NOL7: variants seen among roughly 807,000 people sequenced by gnomAD.
NOL7 encodes the protein U3 small nucleolar RNA-associated protein NOL7.
A neutral mutation model predicts 38.4 loss-of-function variants in NOL7; 36 were observed. The ratio of observed to expected loss-of-function variants is 0.94; its 90% CI spans 0.72 to 1.24. The LOEUF is 1.24. NOL7 is among the 50% of genes most tolerant of loss of function. The pLI, the probability that NOL7 is intolerant of heterozygous loss-of-function variation, is 0.00. For synonymous variants in NOL7, 142 were observed against 126.5 expected (o/e 1.12, Z -0.82); for missense variants, 350 against 315.1 (o/e 1.11, Z -0.84).
Position 13,621,312 on chromosome 6 carries a change from T to C in NOL7, c.*485T>C, listed in dbSNP as rs1191111433. 6.6e-6 allele frequency: 1 copy of C among 152,608 alleles called. No individual in the cohort carries two copies. Among genetic ancestry groups the C allele is most frequent in the Admixed American group, 6.5e-5 (1 of 15,294 alleles). The allele number at this position is 152,608 out of a possible 1,614,324, so 9.5% of individuals were successfully genotyped here. Reference sequence around the variant, plus strand: ...TGAAAATAATGAAGTTAATTTCCTGTTGCCTTTCTGTGTCAGCCACAATAT... The same window carrying C: ...TGAAAATAATGAAGTTAATTTCCTGCTGCCTTTCTGTGTCAGCCACAATAT... On this transcript the variant is annotated 3_prime_UTR_variant, in exon 8 of 8. Coordinates refer to ENST00000451315, the MANE Select transcript of NOL7 (RefSeq NM_016167.5).
At chr6:13,630,801 TTACA>T (rs1764760076) in intron 8 of NOL7, among the ~76,000 whole-genome samples, 1 of 151,766 alleles carries the variant, frequency 6.6e-6, no homozygotes, top group African/African-American at 2.4e-5. Flanking sequence ...TTAAAGAGAC[TTACA>T]AAAAAATATA....
intron 8 of NOL7, among the ~76,000 whole-genome samples, chr6:13,631,938 C>T (rs1156923212): frequency 6.6e-6 from 1 of 152,090 alleles, no homozygotes; most frequent in African/African-American, 2.4e-5. Context: ...ATGTGTTATA[C>T]ATCCAAAATG....
chr6:13,622,400 A>C, downstream of NOL7: 1 of 1,601,344 alleles, frequency 6.2e-7, no homozygotes, highest in South Asian at 1.1e-5. Flanking sequence ...AATGCGCAGG[A>C]TCCAATTCCT....
chr6:13,618,697 C>G (rs1365706274), intron 5 of NOL7, among the ~76,000 whole-genome samples: 2 of 151,834 alleles, frequency 1.3e-5, no homozygotes, highest in Non-Finnish European at 2.9e-5. Flanking sequence ...CAAGACCAGC[C>G]TAGGCAACAT....
chr6:13,618,000 A>T, intron 4 of NOL7, 58 bp from the exon 5 acceptor site: 1 of 1,102,664 alleles, frequency 9.1e-7, no homozygotes. Context: ...AACTCCAGTA[A>T]ATTTCCTGAT....
At chr6:13,625,413 A>C (rs1248861555), downstream of NOL7, among the ~76,000 whole-genome samples, 5 of 152,334 alleles carry the variant, frequency 3.3e-5, no homozygotes, top group South Asian at 6.2e-4. Flanking sequence ...CATGCACACA[A>C]AAACTTCTAT....
In NOL7 at chr6:13,620,737, A is replaced by G; in HGVS notation, c.701-17A>G. On this transcript the variant is annotated splice_polypyrimidine_tract_variant and intron_variant, in intron 7 of 7. Transcript: ENST00000451315. ...TGTTTTTCTAATATACTTACTGCAG[A>G]AAACTTTATATTCTAGGAATCCAAA... 6.5e-7 allele frequency: 1 copy of G among 1,539,064 alleles called. No individual in the cohort carries two copies. The highest frequency in any genetic ancestry group is 8.9e-7 in the Non-Finnish European group (1 of 1,129,456).
At chr6:13,629,918 TCTC>T (rs1300184011) in intron 8 of NOL7, among the ~76,000 whole-genome samples, 2,548 of 121,244 alleles carry the variant, frequency 0.021, 29 homozygotes, top group South Asian at 0.039. Context: ...TCTCTCTCTC[TCTC>T]GTGTGTGTGT....
rs1764291470 is a variant in NOL7 at position 13,616,503 on chromosome 6, C to G, written c.368C>G (p.Thr123Ser). The G allele has an allele frequency of 6.2e-7, 1 of 1,608,216 alleles. No homozygotes were observed. The highest frequency in any genetic ancestry group is 1.7e-5 in the Admixed American group (1 of 59,162). Residue 123 changes from threonine (T) to serine (S), a missense_variant, in exon 3 of 8, where the codon ACC becomes AGC. Physicochemically the swap from Thr to Ser is moderately conservative, Grantham distance 58. Transcript: ENST00000451315. ...CCAGACACTATTTTGGAGAAGTTAA[C>G]CACAGCTTCACAGACTAAGTAAGTA... is the stretch of plus-strand genomic sequence containing the variant. ...LLPDTILEKL[T>S]TASQTNIKKS...
At chr6:13,631,329 C>T (rs1310293218) in intron 8 of NOL7, among the ~76,000 whole-genome samples, 2 of 152,274 alleles carry the variant, frequency 1.3e-5, no homozygotes, top group African/African-American at 4.8e-5. Flanking sequence ...CTCTATAACA[C>T]ATCCTAGGCC....
rs181166604 is a variant in NOL7 at position 13,627,844 on chromosome 6, G to A, written n.574-4549G>A. On this transcript the variant is annotated intron_variant and non_coding_transcript_variant, in intron 8 of 8. Transcript: ENST00000474485. Reference sequence around the variant, plus strand: ...ATAGCCTACATCCTAACACACCACCGAAAATGTGAAATGTCGCACTCCCAA... The same window carrying A: ...ATAGCCTACATCCTAACACACCACCAAAAATGTGAAATGTCGCACTCCCAA... 3.6e-3 allele frequency among the ~76,000 whole-genome samples: 541 copies of A among 151,848 alleles called. 1 individual carries two copies. Among genetic ancestry groups the A allele is most frequent in the African/African-American group, 0.012 (502 of 41,414 alleles).
At chr6:13,627,645 A>C (rs992249224) in intron 8 of NOL7, among the ~76,000 whole-genome samples, 4 of 151,790 alleles carry the variant, frequency 2.6e-5, no homozygotes, top group Non-Finnish European at 5.9e-5. Flanking sequence ...AAAAAAAAAA[A>C]AAAAAAAAAT....
In NOL7 at chr6:13,618,119, A is replaced by G. The variant is rs770744144; in HGVS notation, c.480A>G (p.Val160=). Residue 160 remains valine, a synonymous_variant, in exon 5 of 8, where the codon GTA becomes GTG. Coordinates refer to ENST00000451315, the MANE Select transcript of NOL7 (RefSeq NM_016167.5). ...EKGNDSKKVK[V]QKVQSVSQNK... ...GAAATGACTCCAAGAAAGTTAAAGT[A>G]CAAAAAGTACAGTCTGTCAGGTAAT... The G allele has an allele frequency of 6.3e-7, 1 of 1,590,476 alleles. No individual in the cohort carries two copies. Among genetic ancestry groups the G allele is most frequent in the South Asian group, 1.1e-5 (1 of 90,080 alleles).
intron 8 of NOL7, among the ~76,000 whole-genome samples, chr6:13,631,357 C>T (rs568099362): frequency 1.3e-5 from 2 of 152,242 alleles, no homozygotes; most frequent in African/African-American, 2.4e-5. Context: ...CATGTTATGT[C>T]CTACACTTGT....
chr6:13,622,426 C>T, downstream of NOL7: 1 of 1,607,982 alleles, frequency 6.2e-7, no homozygotes, highest in South Asian at 1.1e-5. Flanking sequence ...AGCCATCAGT[C>T]CTAGACATTG....
rs766441029 is a variant in NOL7 at position 13,617,782 on chromosome 6, G to T, written c.399G>T (p.Ser133=). ...TTTTTTTCCTTAGCATCAAGAAATC[G>T]CCAGGAAAGGTGAAAGAAGGTATGA... ...TTASQTNIKK[S]PGKVKEVNLQ... is the part of the protein sequence containing the mutation. Residue 133 remains serine, a synonymous_variant, in exon 4 of 8, where the codon TCG becomes TCT. Coordinates refer to ENST00000451315, the MANE Select transcript of NOL7 (RefSeq NM_016167.5). 6 of 1,613,630 alleles carry T rather than the reference G, an allele frequency of 3.7e-6. No homozygotes were observed. The African/African-American group carries it at 8.0e-5, about 22-fold the overall frequency.
Position 13,615,477 on chromosome 6 carries a change from C to T in NOL7, c.119C>T (p.Pro40Leu). The change falls in exon 1 of 8, where the codon CCC (proline) becomes CTC (leucine). Residue 40 changes from proline to leucine, a missense_variant. Physicochemically the swap from Pro to Leu is moderately conservative, Grantham distance 98. Coordinates refer to ENST00000451315, the MANE Select transcript of NOL7 (RefSeq NM_016167.5). ...EAEHGLLLGQ[P>L]SSGAAAEPLE... ...GAGCACGGGCTGTTGCTCGGGCAGC[C>T]CAGCAGCGGCGCGGCCGCCGAGCCC... The T allele has an allele frequency of 6.4e-7, 1 of 1,551,424 alleles. No homozygotes were observed.
rs1157409370 is a variant in NOL7 at position 13,615,561 on chromosome 6, C to G, written c.203C>G (p.Thr68Ser). Residue 68 changes from threonine to serine, a missense_variant, in exon 1 of 8, where the codon ACT becomes AGT. Physicochemically the swap from Thr to Ser is moderately conservative, Grantham distance 58. Coordinates refer to ENST00000451315, the MANE Select transcript of NOL7 (RefSeq NM_016167.5). ...GACGATGAGGCCCCGGAGGAGCTGA[C>G]TTTCGCCAGCGCCCAGGCGGAAGCG... is the stretch of plus-strand genomic sequence containing the variant. Reference protein sequence around the residue: ...EFDDEAPEELTFASAQAEARE... With the variant: ...EFDDEAPEELSFASAQAEARE... 1.3e-6 allele frequency: 2 copies of G among 1,565,548 alleles called. No homozygotes were observed. Among genetic ancestry groups the G allele is most frequent in the African/African-American group, 1.4e-5 (1 of 73,876 alleles).
downstream of NOL7, chr6:13,625,780 C>G: frequency 6.5e-7 from 1 of 1,532,638 alleles, no homozygotes; most frequent in Non-Finnish European, 9.0e-7. Context: ...GAAAACACAT[C>G]GATTTGGTTT....
Sources: allele counts gnomAD v4.1 joint callset (sites outside exome capture counted in the v4.1 genomes callset), GRCh38; gene constraint gnomAD v4.1.1; transcripts MANE v1.5; gene names NCBI Gene and HGNC (gene_info 2026-07-23, HGNC 2026-07-21).